Variants in SPATA46 observed in about 807,000 individuals in gnomAD.
SPATA46 encodes the protein spermatogenesis-associated protein 46.
Under a neutral mutation model 6.2 loss-of-function variants are expected in SPATA46, and 3 were observed. The observed-to-expected ratio is 0.48, with a 90% CI of 0.22 to 1.25. The LOEUF is 1.25. Ranked by LOEUF, SPATA46 falls within the 50% of genes most tolerant of loss-of-function variation. The pLI, the probability that SPATA46 is intolerant of heterozygous loss-of-function variation, is 0.20. For synonymous variants in SPATA46, 117 were observed against 123.3 expected, an observed-to-expected ratio of 0.95 and a Z score of 0.34; for missense variants, 308 against 323.5, an observed-to-expected ratio of 0.95 and a Z score of 0.37.
chr1:162,376,418 A>T (rs1557901481), intron 1 of SPATA46: 1 of 363,562 alleles, frequency 2.8e-6, no homozygotes, highest in Non-Finnish European at 5.1e-6. Flanking sequence ...GTGAGCCGAG[A>T]TCACATCATT....
Position 162,376,723 on chromosome 1 carries a change from G to A in SPATA46, c.68C>T (p.Pro23Leu), listed in dbSNP as rs1343601769. 1.9e-6 allele frequency: 3 copies of A among 1,614,020 alleles called. No homozygotes were observed. Among genetic ancestry groups the A allele is most frequent in the Non-Finnish European group, 2.5e-6 (3 of 1,180,034 alleles). The change falls in exon 1 of 3, where the codon CCC (proline) becomes CTC (leucine). Residue 23 changes from proline to leucine, a missense_variant. Coordinates refer to ENST00000367935, the MANE Select transcript of SPATA46 (RefSeq NM_182581.4). ...PISSSALSAF[P>L]DIMFSRATSL... ...GGTGGCACGAGAGAACATAATGTCG[G>A]GAAAAGCACTCAGGGCGGAGGAAGA...
intron 2 of SPATA46, 150 bp downstream of exon 2, chr1:162,375,140 C>T: frequency 3.0e-6 from 2 of 663,156 alleles, no homozygotes; most frequent in Admixed American, 2.6e-5. Flanking sequence ...TGGGTGTCTA[C>T]CAAAGGAAGA....
chr1:162,375,463 TC>T, intron 1 of SPATA46, 60 bp from the exon 2 acceptor site: 4 of 1,375,422 alleles, frequency 2.9e-6, no homozygotes, highest in Admixed American at 1.7e-5. Flanking sequence ...TTTCTGGGAC[TC>T]CCCCAGGCAT....
At position 162,375,388 on chromosome 1, in the gene SPATA46, G is replaced by A. The variant is rs1406574219; in HGVS notation, c.119C>T (p.Ala40Val). 3.1e-6 allele frequency: 5 copies of A among 1,613,886 alleles called. No homozygotes were observed. In the Admixed American group the frequency reaches 5.0e-5, roughly 16 times the overall value. The stretch of plus-strand genomic sequence containing the variant: ...TGGGCTGGATGCCTCAGTGGGTACT[G>A]CTGTCTTTGCAATGTCTGGGTTATA... ...ATSLPDIAKT[A>V]VPTEASSPAQ... is the part of the protein sequence containing the mutation. Residue 40 changes from alanine (A) to valine (V), a missense_variant, in exon 2 of 3, where the codon GCA (alanine) becomes GTA (valine). Physicochemically the swap from Ala to Val is moderately conservative, Grantham distance 64. Transcript: ENST00000367935.
chr1:162,375,839 C>T (rs164184), intron 1 of SPATA46, among the ~76,000 whole-genome samples: 143,919 of 152,256 alleles, frequency 0.95, 68,509 homozygotes, highest in East Asian at 1. Context: ...TCAGGGTTCC[C>T]GTGGGCCATC....
rs769916432 is a variant in SPATA46, at chr1:162,374,383, G to C, written c.451C>G (p.Arg151Gly). ...SSSSPENTCP[R>G]EATKKSRHGL... ...TGCCTGGATTTCTTGGTGGCTTCTC[G>C]AGGGCAAGTGTTCTCTGGGGAGGAA... Residue 151 changes from arginine to glycine, a missense_variant, in exon 3 of 3, where the codon CGA becomes GGA. Transcript: ENST00000367935. The C allele has an allele frequency of 1.4e-5, 22 of 1,614,074 alleles. No homozygotes were observed. Among genetic ancestry groups the C allele is most frequent in the Non-Finnish European group, 1.8e-5 (21 of 1,180,032 alleles).
In SPATA46 at chr1:162,373,963, G is replaced by C; in HGVS notation, c.*85C>G. 7.2e-7 allele frequency: 1 copy of C among 1,391,832 alleles called. No homozygotes were observed. The highest frequency in any genetic ancestry group is 9.8e-7 in the Non-Finnish European group (1 of 1,022,438). The allele number at this position is 1,391,832 out of a possible 1,614,324, so 86.2% of individuals were successfully genotyped here. On this transcript the variant is annotated 3_prime_UTR_variant, in exon 3 of 3. Transcript: ENST00000367935. ...GGCAACCATTAGCCAAAGGTGATGAGAGCCGGGTTCTGGGAAGGACAGCAG... is the reference window on the plus strand; with the variant it reads ...GGCAACCATTAGCCAAAGGTGATGACAGCCGGGTTCTGGGAAGGACAGCAG...
chr1:162,376,466 CAA>C (rs11350412), intron 1 of SPATA46: 52,881 of 336,380 alleles, frequency 0.16, no homozygotes, highest in South Asian at 0.24. Context: ...AACTCTGTCT[CAA>C]AAAAAAAAAA....
intron 1 of SPATA46, 160 bp downstream of exon 1, chr1:162,376,528 T>C: frequency 1.4e-6 from 1 of 715,406 alleles, no homozygotes; most frequent in Admixed American, 3.0e-5. Context: ...CAGCAGTAAC[T>C]ACTTACCACA....
rs554520587 is a variant in SPATA46, at chr1:162,375,664, C to T, written c.104-261G>A. ...TGATGTAGCCCAGATGACACCTCTC[C>T]GCCTGGCCTGCCCCTCACCTAACCC... On this transcript the variant is annotated intron_variant, in intron 1 of 2. Transcript: ENST00000367935. Among the ~76,000 whole-genome samples the T allele has an allele frequency of 3.3e-5, 5 of 152,262 alleles. No individual in the cohort carries two copies. In the East Asian group the frequency reaches 5.8e-4, roughly 18 times the overall value.
chr1:162,376,163 G>T (rs1647654949), intron 1 of SPATA46, among the ~76,000 whole-genome samples: 1 of 152,134 alleles, frequency 6.6e-6, no homozygotes. Context: ...TTTGAACAGG[G>T]AGTCCTCAGG....
At position 162,374,013 on chromosome 1, in the gene SPATA46, G is replaced by A; in HGVS notation, c.*35C>T. ...GGCTGTGCGGGGTGACCTCAGACTG[G>A]ACAGAAGGCTGTGACTAACTTTATT... On this transcript the variant is annotated 3_prime_UTR_variant, in exon 3 of 3. Coordinates refer to ENST00000367935, the MANE Select transcript of SPATA46 (RefSeq NM_182581.4). 6.4e-7 allele frequency: 1 copy of A among 1,558,478 alleles called. No individual in the cohort carries two copies.
At chr1:162,374,646 C>T (rs767807737) in intron 2 of SPATA46, 30 bp from the exon 3 acceptor site, 1 of 1,573,328 alleles carries the variant, frequency 6.4e-7, no homozygotes, top group South Asian at 1.2e-5. Flanking sequence ...GTCTGAGTCT[C>T]TGGCAGGGAG....
Position 162,374,295 on chromosome 1 carries a change from T to C in SPATA46, c.539A>G (p.Gln180Arg). 6.2e-7 allele frequency: 1 copy of C among 1,614,200 alleles called. No homozygotes were observed. Among genetic ancestry groups the C allele is most frequent in the Non-Finnish European group, 8.5e-7 (1 of 1,179,994 alleles). ...LMASRWHPAQ[Q>R]NGYKCVACCR... ...GCAGGCCACGCACTTGTAGCCATTC[T>C]GCTGTGCTGGGTGCCACCTGGAAGC... is the stretch of plus-strand genomic sequence containing the variant. Residue 180 changes from glutamine (Q) to arginine (R), a missense_variant, in exon 3 of 3, where the codon CAG becomes CGG. Coordinates refer to ENST00000367935, the MANE Select transcript of SPATA46 (RefSeq NM_182581.4).
In SPATA46 at chr1:162,373,402, C is replaced by G. The variant is rs1364677556; in HGVS notation, c.*646G>C. 1.3e-5 allele frequency: 2 copies of G among 152,132 alleles called. No homozygotes were observed. The highest frequency in any genetic ancestry group is 2.9e-5 in the Non-Finnish European group (2 of 68,044). 9.4% of individuals were successfully genotyped at this position (152,132 alleles called of 1,614,324 possible). ...AGCCAAGAAAAGACGTCTCCTGGGTCAAAACTGATTCTATTCTGCCCCAGC... is the reference window on the plus strand; with the variant it reads ...AGCCAAGAAAAGACGTCTCCTGGGTGAAAACTGATTCTATTCTGCCCCAGC... On this transcript the variant is annotated 3_prime_UTR_variant, in exon 3 of 3. Coordinates refer to ENST00000367935, the MANE Select transcript of SPATA46 (RefSeq NM_182581.4).
Position 162,375,383 on chromosome 1 carries a change from G to A in SPATA46, c.124C>T (p.Pro42Ser), listed in dbSNP as rs139605225. ...SLPDIAKTAV[P>S]TEASSPAQAL... is the part of the protein sequence containing the mutation. ...TGAGCTGGGCTGGATGCCTCAGTGG[G>A]TACTGCTGTCTTTGCAATGTCTGGG... Residue 42 changes from proline to serine, a missense_variant, in exon 2 of 3, where the codon CCC becomes TCC. By Grantham distance (74) the Pro-to-Ser change is moderately conservative. Transcript: ENST00000367935. The A allele has an allele frequency of 3.1e-5, 50 of 1,613,944 alleles. No homozygotes were observed. Among genetic ancestry groups the A allele is most frequent in the Admixed American group, 5.0e-5 (3 of 59,996 alleles).
rs941071138 is a variant in SPATA46, at chr1:162,374,485, G to T, written c.349C>A (p.Pro117Thr). The T allele has an allele frequency of 6.2e-7, 1 of 1,614,210 alleles. No homozygotes were observed. Among genetic ancestry groups the T allele is most frequent in the Non-Finnish European group, 8.5e-7 (1 of 1,180,042 alleles). The change falls in exon 3 of 3, where the codon CCA becomes ACA. Residue 117 changes from proline (P) to threonine (T), a missense_variant. Pro to Thr is a conservative substitution (Grantham distance 38). Coordinates refer to ENST00000367935, the MANE Select transcript of SPATA46 (RefSeq NM_182581.4). Reference sequence around the variant, plus strand: ...TTGCCCTCATCCTGCTGCACCTCTGGGAAGTCATAGGCCTCCAGCTGGCTC... The same window carrying T: ...TTGCCCTCATCCTGCTGCACCTCTGTGAAGTCATAGGCCTCCAGCTGGCTC... ...KESQLEAYDF[P>T]EVQQDEGKWD...
rs150051092 is a variant in SPATA46, at chr1:162,376,712, A to C, written c.79T>G (p.Phe27Val). The C allele has an allele frequency of 6.2e-7, 1 of 1,614,130 alleles. No homozygotes were observed. The highest frequency in any genetic ancestry group is 8.5e-7 in the Non-Finnish European group (1 of 1,180,010). Residue 27 changes from phenylalanine to valine, a missense_variant, in exon 1 of 3, where the codon TTC becomes GTC. Phe to Val is a conservative substitution (Grantham distance 50). Coordinates refer to ENST00000367935, the MANE Select transcript of SPATA46 (RefSeq NM_182581.4). ...CCTGGCAGGCTGGTGGCACGAGAGA[A>C]CATAATGTCGGGAAAAGCACTCAGG... is the stretch of plus-strand genomic sequence containing the variant. ...SALSAFPDIM[F>V]SRATSLPDIA...
Position 162,375,284 on chromosome 1 carries a change from C to T in SPATA46, c.217+6G>A. ...CATTCCCGCCCAGAGTCAGAGAAGT[C>T]CTCACCTGGTGAGAGCGCTGTGTTC... On this transcript the variant is annotated splice_donor_region_variant and intron_variant, in intron 2 of 2. Coordinates refer to ENST00000367935, the MANE Select transcript of SPATA46 (RefSeq NM_182581.4). 1 of 1,605,758 alleles carries T rather than the reference C, an allele frequency of 6.2e-7. No homozygotes were observed. Among genetic ancestry groups the T allele is most frequent in the Middle Eastern group, 1.7e-4 (1 of 5,998 alleles).
Sources: gnomAD v4.1 joint callset for allele counts (sites outside exome capture counted in the v4.1 genomes callset) on GRCh38, gnomAD v4.1.1 for gene constraint, MANE v1.5 for transcripts, NCBI Gene and HGNC (gene_info 2026-07-23, HGNC 2026-07-21) for gene names.